HS6ST3: variants seen among roughly 807,000 people sequenced by gnomAD.
HS6ST3 encodes heparan-sulfate 6-O-sulfotransferase 3.
HS6ST3 carries 12 observed loss-of-function variants against 36.7 expected under a neutral mutation model. The observed-to-expected ratio is 0.33, with a 90% CI of 0.21 to 0.53. The LOEUF (loss-of-function observed/expected upper bound fraction) is 0.53, where lower values mean the gene tolerates loss of function less well. Ranked by LOEUF, HS6ST3 falls within the 20% of genes least tolerant of loss-of-function variation. The pLI is 0.95. For synonymous variants in HS6ST3, 240 were observed against 257.5 expected (o/e 0.93, Z 0.65); for missense variants, 584 against 640.9 (o/e 0.91, Z 0.96).
At position 96,460,087 on chromosome 13, in the gene HS6ST3, G is replaced by A. The variant is rs1012287983; in HGVS notation, c.707+368518G>A. ...ATTTTATTAGAATCTTATACCTGAA[G>A]CTCAAGATAGAGCAAAGATATACAC... On this transcript the variant is annotated intron_variant, in intron 1 of 1. Coordinates refer to ENST00000376705, the MANE Select transcript of HS6ST3 (RefSeq NM_153456.4). Among the ~76,000 whole-genome samples, 14 of 152,264 alleles carry A rather than the reference G, an allele frequency of 9.2e-5. 2 individuals carry two copies. Among genetic ancestry groups the A allele is most frequent in the African/African-American group, 3.4e-4 (14 of 41,560 alleles).
At chr13:96,281,427 G>A (rs1308667974) in intron 1 of HS6ST3, among the ~76,000 whole-genome samples, 1 of 152,076 alleles carries the variant, frequency 6.6e-6, no homozygotes, top group Non-Finnish European at 1.5e-5. Flanking sequence ...GCTTTTTTTG[G>A]TATCAACAAA....
rs371093214 is a variant in HS6ST3 at position 96,645,861 on chromosome 13, T to G, written c.708-186629T>G. Among the ~76,000 whole-genome samples the G allele has an allele frequency of 4.6e-5, 7 of 151,970 alleles. No homozygotes were observed. In the East Asian group the frequency reaches 7.8e-4, roughly 17 times the overall value. On this transcript the variant is annotated intron_variant, in intron 1 of 1. Coordinates refer to ENST00000376705, the MANE Select transcript of HS6ST3 (RefSeq NM_153456.4). Reference sequence around the variant, plus strand: ...TCTGGGTTTGTTGTACTGAAAATAGTTTATAAACAATTTGGTAGCATATTT... The same window carrying G: ...TCTGGGTTTGTTGTACTGAAAATAGGTTATAAACAATTTGGTAGCATATTT...
intron 1 of HS6ST3, among the ~76,000 whole-genome samples, chr13:96,371,231 C>T (rs1416592559): frequency 3.9e-5 from 6 of 152,066 alleles, no homozygotes; most frequent in Admixed American, 1.3e-4. Context: ...TTGGCAATCT[C>T]ATATATATAT....
intron 1 of HS6ST3, among the ~76,000 whole-genome samples, chr13:96,694,962 C>T (rs1875084279): frequency 1.3e-5 from 2 of 152,108 alleles, no homozygotes; most frequent in African/African-American, 4.8e-5. Context: ...TCAAAACTGT[C>T]TTTAAAAAAC....
At chr13:96,394,463 C>T (rs2055411029) in intron 1 of HS6ST3, among the ~76,000 whole-genome samples, 1 of 152,202 alleles carries the variant, frequency 6.6e-6, no homozygotes, top group African/African-American at 2.4e-5. Flanking sequence ...TTCATTTTGA[C>T]TCTTTGGACA....
chr13:96,200,519 A>G (rs749842753), intron 1 of HS6ST3, among the ~76,000 whole-genome samples: 1 of 152,104 alleles, frequency 6.6e-6, no homozygotes, highest in Non-Finnish European at 1.5e-5. Flanking sequence ...TATACTATCT[A>G]AAGTTGCAAC....
intron 1 of HS6ST3, among the ~76,000 whole-genome samples, chr13:96,527,377 T>C (rs1182803593): frequency 6.6e-6 from 1 of 152,230 alleles, no homozygotes; most frequent in African/African-American, 2.4e-5. Flanking sequence ...ATAATAAGTA[T>C]TTATTGAGTA....
chr13:96,478,927 G>T (rs1402017435), intron 1 of HS6ST3, among the ~76,000 whole-genome samples: 5 of 152,126 alleles, frequency 3.3e-5, no homozygotes, highest in African/African-American at 1.2e-4. Context: ...TATACCTTTG[G>T]AATAACTGAG....
chr13:96,710,155 A>G (rs1174726032), intron 1 of HS6ST3, among the ~76,000 whole-genome samples: 2 of 152,272 alleles, frequency 1.3e-5, no homozygotes, highest in Non-Finnish European at 2.9e-5. Flanking sequence ...TAATTTCCCT[A>G]CTATATATCA....
At chr13:96,711,339 G>A (rs920758580) in intron 1 of HS6ST3, among the ~76,000 whole-genome samples, 1 of 152,138 alleles carries the variant, frequency 6.6e-6, no homozygotes, top group East Asian at 1.9e-4. Context: ...TGAACTAAGT[G>A]CTCTAATGAT....
intron 1 of HS6ST3, among the ~76,000 whole-genome samples, chr13:96,704,725 G>T (rs1280296037): frequency 6.6e-6 from 1 of 152,054 alleles, no homozygotes; most frequent in Non-Finnish European, 1.5e-5. Context: ...AACGCCAGGT[G>T]GCAGGGAGAC....
chr13:96,194,445 T>A (rs935015767), intron 1 of HS6ST3, among the ~76,000 whole-genome samples: 12 of 152,098 alleles, frequency 7.9e-5, no homozygotes, highest in South Asian at 2.1e-4. Context: ...CATTTTTTTT[T>A]AATTAAAAAA....
At chr13:96,557,627 G>A (rs2056245986) in intron 1 of HS6ST3, among the ~76,000 whole-genome samples, 1 of 152,176 alleles carries the variant, frequency 6.6e-6, no homozygotes. Flanking sequence ...CTACACTGAG[G>A]TCTCATCATC....
rs1341777432 is a variant in HS6ST3 at position 96,090,587 on chromosome 13, G to A, written c.-276G>A. ...GCGCCGGGGCGGGAGCAGGGAGCGG[G>A]CCGGCCCGGGCGCACCCGGGAGCGC... On this transcript the variant is annotated 5_prime_UTR_variant, in exon 1 of 2. Transcript: ENST00000376705. Among the ~76,000 whole-genome samples the A allele has an allele frequency of 6.8e-6, 1 of 146,060 alleles. No homozygotes were observed. Among genetic ancestry groups the A allele is most frequent in the East Asian group, 2.0e-4 (1 of 5,004 alleles).
At chr13:96,169,366 A>G (rs1594702308) in intron 1 of HS6ST3, among the ~76,000 whole-genome samples, 1 of 152,066 alleles carries the variant, frequency 6.6e-6, no homozygotes, top group African/African-American at 2.4e-5. Context: ...GTTTGGTAGC[A>G]TTGGAATGTT....
intron 1 of HS6ST3, among the ~76,000 whole-genome samples, chr13:96,621,836 G>A (rs566196797): frequency 2.6e-5 from 4 of 152,172 alleles, no homozygotes; most frequent in African/African-American, 7.2e-5. Context: ...CAGGTTTATT[G>A]CACCATTGCA....
intron 1 of HS6ST3, among the ~76,000 whole-genome samples, chr13:96,601,111 C>T (rs2056420005): frequency 6.6e-6 from 1 of 151,966 alleles, no homozygotes; most frequent in African/African-American, 2.4e-5. Flanking sequence ...TTTTCCATGT[C>T]GACTTTAGAT....
intron 1 of HS6ST3, among the ~76,000 whole-genome samples, chr13:96,339,107 A>G (rs982265712): frequency 2.6e-5 from 4 of 152,200 alleles, no homozygotes; most frequent in African/African-American, 9.7e-5. Context: ...CAGCTCCTCC[A>G]TGAAGCCTTT....
intron 1 of HS6ST3, among the ~76,000 whole-genome samples, chr13:96,369,482 A>G (rs901639753): frequency 1.3e-5 from 2 of 152,226 alleles, no homozygotes; most frequent in African/African-American, 2.4e-5. Context: ...CAATATCACC[A>G]TGTTTTGAGC....
Sources: allele counts gnomAD v4.1 joint callset (sites outside exome capture counted in the v4.1 genomes callset), GRCh38; gene constraint gnomAD v4.1.1; transcripts MANE v1.5; gene names NCBI Gene and HGNC (gene_info 2026-07-23, HGNC 2026-07-21).